The following TUBGCP5 variants were observed in gnomAD, a reference collection of about 807,000 sequenced individuals.
TUBGCP5 encodes the protein gamma-tubulin complex component 5.
Under a neutral mutation model 134.7 loss-of-function variants are expected in TUBGCP5, and 98 were observed. The ratio of observed to expected loss-of-function variants is 0.73; its 90% CI spans 0.62 to 0.86. The LOEUF is 0.86. TUBGCP5 is among the 40% of genes least tolerant of loss of function. The probability of loss-of-function intolerance (pLI) is 0.00; values close to 1 mark genes in which losing one functional copy is unlikely to be tolerated. For missense variants in TUBGCP5, 1,150 were observed against 1,244.8 expected (o/e 0.92, Z 1.15); for synonymous variants, 456 against 431.4 (o/e 1.06, Z -0.71).
At chr15:22,992,025 G>A (rs2063859805) in intron 23 of TUBGCP5, among the ~76,000 whole-genome samples, 1 of 152,144 alleles carries the variant, frequency 6.6e-6, no homozygotes, top group Non-Finnish European at 1.5e-5. Context: ...GATTGGAAGT[G>A]GGGAGGTCTG....
intron 16 of TUBGCP5, among the ~76,000 whole-genome samples, chr15:23,006,728 A>T (rs1357027070): frequency 1.3e-5 from 2 of 152,162 alleles, no homozygotes; most frequent in Admixed American, 1.3e-4. Context: ...GGAGCCGAGC[A>T]TGTGGTGAGA....
chr15:22,984,638 C>G (rs1235388326), intron 23 of TUBGCP5, among the ~76,000 whole-genome samples: 3 of 151,810 alleles, frequency 2.0e-5, no homozygotes, highest in Admixed American at 6.6e-5. Flanking sequence ...ATAAAAGAAA[C>G]TTTTTTTAAA....
chr15:23,016,805 T>C (rs901290880), intron 13 of TUBGCP5, among the ~76,000 whole-genome samples: 3 of 151,672 alleles, frequency 2.0e-5, no homozygotes, highest in Admixed American at 6.6e-5. Context: ...AGAACTACTA[T>C]ATGATATAGC....
At chr15:22,993,241 A>G (rs549716490) in intron 23 of TUBGCP5, among the ~76,000 whole-genome samples, 1 of 151,788 alleles carries the variant, frequency 6.6e-6, no homozygotes, top group South Asian at 2.1e-4. Flanking sequence ...CTGGGATCAC[A>G]GGCATGCGCC....
chr15:23,031,427 G>A (rs1429466580), intron 5 of TUBGCP5, among the ~76,000 whole-genome samples: 4 of 151,424 alleles, frequency 2.6e-5, no homozygotes, highest in Non-Finnish European at 5.9e-5. Context: ...AGAGATTCTC[G>A]TGCCTGAGCC....
intron 16 of TUBGCP5, among the ~76,000 whole-genome samples, chr15:23,006,827 A>G (rs2064742939): frequency 6.6e-6 from 1 of 152,218 alleles, no homozygotes; most frequent in East Asian, 1.9e-4. Context: ...AGTTCCTGAG[A>G]CAGGTTTGAA....
At chr15:22,990,160 G>A (rs761665275) in intron 23 of TUBGCP5, among the ~76,000 whole-genome samples, 1 of 152,134 alleles carries the variant, frequency 6.6e-6, no homozygotes, top group Non-Finnish European at 1.5e-5. Flanking sequence ...GACATCCCGA[G>A]AGGTGGGGCA....
rs559422616 is a variant in TUBGCP5 at position 23,031,850 on chromosome 15, T to C, written c.486+100A>G. 100 of 778,520 alleles carry C rather than the reference T, an allele frequency of 1.3e-4. No individual in the cohort carries two copies. In the African/African-American group the frequency reaches 1.6e-3, roughly 13 times the overall value. The allele number at this position is 778,520 out of a possible 1,614,324, so 48.2% of individuals were successfully genotyped here. A position where few individuals can be genotyped will look rare whatever the true frequency, so the allele number is the denominator to read the frequency against. On this transcript the variant is annotated intron_variant, in intron 5 of 22. Transcript: ENST00000615383. ...ACTCTAGCTTAGTGAAGAGTGTTCC[T>C]GTTTTAGCTAAGTTGACCTAGGGTG... is the stretch of plus-strand genomic sequence containing the variant.
chr15:22,983,712 GTCTC>G (rs1370892980), intron 23 of TUBGCP5: 3 of 151,954 alleles, frequency 2.0e-5, no homozygotes, highest in Admixed American at 6.6e-5. Flanking sequence ...GATGTAGTTC[GTCTC>G]TCTCTCAAAA....
At chr15:23,023,615 T>C (rs1180093169) in intron 10 of TUBGCP5, 1 of 212,934 alleles carries the variant, frequency 4.7e-6, no homozygotes, top group Non-Finnish European at 9.5e-6. Flanking sequence ...TATGCGTATA[T>C]GTATATGCAC....
In TUBGCP5 at chr15:23,018,681, A is replaced by G. The variant is rs1284062701; in HGVS notation, c.1487+538T>C. On this transcript the variant is annotated intron_variant, in intron 12 of 22. Coordinates refer to ENST00000615383, the MANE Select transcript of TUBGCP5 (RefSeq NM_052903.6). ...TACCGCATAATTTAAAATTGGGCTA[A>G]AAGAGTACAAATAGCTCTACATTGT... Among the ~76,000 whole-genome samples, 4 of 152,212 alleles carry G rather than the reference A, an allele frequency of 2.6e-5. No individual in the cohort carries two copies. In the East Asian group the frequency reaches 7.7e-4, roughly 29 times the overall value.
chr15:23,000,681 A>G lies in TUBGCP5; in HGVS notation c.2928-12T>C. On this transcript the variant is annotated splice_polypyrimidine_tract_variant and intron_variant, in intron 21 of 22. Coordinates refer to ENST00000615383, the MANE Select transcript of TUBGCP5 (RefSeq NM_052903.6). ...CTATAGATTCCATTCTAGGAATAAA[A>G]GTAAATTTCAATTAAGTAAGTGCAT... The G allele has an allele frequency of 1.9e-6, 3 of 1,582,714 alleles. No individual in the cohort carries two copies. The South Asian group carries it at 3.4e-5, about 18-fold the overall frequency.
chr15:23,035,855 T>C (rs1014649483), intron 3 of TUBGCP5, among the ~76,000 whole-genome samples: 2 of 152,106 alleles, frequency 1.3e-5, no homozygotes, highest in African/African-American at 4.8e-5. Context: ...TCAACAAACA[T>C]GCACTGTCCA....
Position 23,004,137 on chromosome 15 carries a change from A to G in TUBGCP5, c.2803T>C (p.Ser935Pro), listed in dbSNP as rs1157492062. 4.3e-6 allele frequency: 7 copies of G among 1,613,022 alleles called. No homozygotes were observed. The highest frequency in any genetic ancestry group is 3.3e-5 in the South Asian group (3 of 90,606). The change falls in exon 20 of 23, where the codon TCA (serine) becomes CCA (proline). Residue 935 changes from serine (S) to proline (P), a missense_variant. Ser to Pro is a moderately conservative substitution (Grantham distance 74). Transcript: ENST00000615383. ...AGCAGACACCGGTCATGGATGGTTG[A>G]CAGATACCTATAGTGAATTTTAATC... ...QLIKIHYRYL[S>P]TIHDRCLLRE...
chr15:23,019,579 C>A (rs1352531781), intron 11 of TUBGCP5, among the ~76,000 whole-genome samples: 2 of 151,574 alleles, frequency 1.3e-5, no homozygotes, highest in Non-Finnish European at 2.9e-5. Context: ...GGGCGGATCA[C>A]CTGAGGTAAG....
chr15:22,995,641 C>T (rs2064035869), downstream of TUBGCP5, among the ~76,000 whole-genome samples: 1 of 151,820 alleles, frequency 6.6e-6, no homozygotes, highest in African/African-American at 2.4e-5. Flanking sequence ...GCATTTCCAC[C>T]AGTAATGTAA....
At chr15:23,028,379 T>TAAAAA (rs762310901) in intron 6 of TUBGCP5, among the ~76,000 whole-genome samples, 2 of 91,064 alleles carry the variant, frequency 2.2e-5, no homozygotes, top group Admixed American at 1.3e-4. Flanking sequence ...GGCCCGGTCT[T>TAAAAA]AAAAAAAAAA....
At chr15:22,986,639 G>A (rs1226160613) in intron 23 of TUBGCP5, among the ~76,000 whole-genome samples, 1 of 151,952 alleles carries the variant, frequency 6.6e-6, no homozygotes, top group African/African-American at 2.4e-5. Flanking sequence ...TCAGGGGGCT[G>A]AGGCAGAAGA....
chr15:23,032,746 G>T lies in TUBGCP5; in HGVS notation c.388C>A (p.Pro130Thr). 6.3e-7 allele frequency: 1 copy of T among 1,580,256 alleles called. No individual in the cohort carries two copies. The highest frequency in any genetic ancestry group is 8.6e-7 in the Non-Finnish European group (1 of 1,166,080). The part of the protein sequence containing the change: ...SPSNSSYVET[P>T]RNKEVEKKDD... Reference sequence around the variant, plus strand: ...AACATACCCACTTCTTTATTTCTTGGTGTCTCCACATAACTGCTGTTTGAA... The same window carrying T: ...AACATACCCACTTCTTTATTTCTTGTTGTCTCCACATAACTGCTGTTTGAA... The change falls in exon 4 of 23, where the codon CCA (proline) becomes ACA (threonine). Residue 130 changes from proline to threonine, a missense_variant. Transcript: ENST00000615383.
Sources: allele counts gnomAD v4.1 joint callset (sites outside exome capture counted in the v4.1 genomes callset), GRCh38; gene constraint gnomAD v4.1.1; transcripts MANE v1.5; gene names NCBI Gene and HGNC (gene_info 2026-07-23, HGNC 2026-07-21).